The following HDAC9 variants were observed in gnomAD, a reference collection of about 807,000 sequenced individuals.
The protein encoded by HDAC9 is histone deacetylase 9.
In HDAC9, 41 loss-of-function variants were observed where a neutral mutation model predicts 139.4. That is an observed-to-expected ratio of 0.29 (90% CI 0.23 to 0.38). The LOEUF (loss-of-function observed/expected upper bound fraction) is 0.38. Ranked by LOEUF, HDAC9 falls within the 10% of genes least tolerant of loss-of-function variation. HDAC9 has a pLI of 1.00. For synonymous variants in HDAC9, 517 were observed against 476.2 expected, an observed-to-expected ratio of 1.09 and a Z score of -1.12; for missense variants, 1,147 against 1,297.0, an observed-to-expected ratio of 0.88 and a Z score of 1.78.
intron 12 of HDAC9, among the ~76,000 whole-genome samples, chr7:18,679,521 TTTC>T (rs1444438284): frequency 6.6e-6 from 1 of 151,356 alleles, no homozygotes; most frequent in East Asian, 1.9e-4. Flanking sequence ...CTTTCCTTTC[TTTC>T]TTTCTTCCTT....
intron 1 of HDAC9, among the ~76,000 whole-genome samples, chr7:18,406,045 T>C (rs903617805): frequency 6.6e-6 from 1 of 152,226 alleles, no homozygotes; most frequent in Non-Finnish European, 1.5e-5. Context: ...TGTAAATATA[T>C]GTTTTAAATA....
intron 4 of HDAC9, among the ~76,000 whole-genome samples, chr7:18,590,856 TAA>T (rs1480756330): frequency 6.6e-6 from 1 of 152,082 alleles, no homozygotes; most frequent in African/African-American, 2.4e-5. Context: ...AATTGCTCTC[TAA>T]GTAAAGCCTT....
intron 2 of HDAC9, among the ~76,000 whole-genome samples, chr7:18,576,199 A>T (rs917125725): frequency 6.6e-6 from 1 of 152,116 alleles, no homozygotes; most frequent in Non-Finnish European, 1.5e-5. Flanking sequence ...TGAGTGGAGG[A>T]CAGGTATTAT....
rs543880068 is a variant in HDAC9, at chr7:18,800,865, A to G, written c.2322+7413A>G. ...TAATAATAATAATAATAATTTCTCC[A>G]AAGACAAAAAATATATATATGTAGG... On this transcript the variant is annotated intron_variant, in intron 17 of 25. Transcript: ENST00000686413. 1.9e-3 allele frequency among the ~76,000 whole-genome samples: 289 copies of G among 152,092 alleles called. 1 individual carries two copies. Among genetic ancestry groups the G allele is most frequent in the African/African-American group, 6.6e-3 (274 of 41,478 alleles).
intron 22 of HDAC9, among the ~76,000 whole-genome samples, chr7:18,894,931 G>A (rs963707171): frequency 6.6e-6 from 1 of 152,036 alleles, no homozygotes; most frequent in South Asian, 2.1e-4. Context: ...GGCAGGTGAT[G>A]GGTGTAATGG....
intron 1 of HDAC9, among the ~76,000 whole-genome samples, chr7:18,408,946 G>T (rs1788271382): frequency 6.6e-6 from 1 of 152,090 alleles, no homozygotes; most frequent in South Asian, 2.1e-4. Context: ...AACCCTTCAG[G>T]TAGCAGCTTT....
chr7:18,617,273 T>C (rs764167312), intron 6 of HDAC9, among the ~76,000 whole-genome samples: 28 of 152,162 alleles, frequency 1.8e-4, no homozygotes, highest in Non-Finnish European at 3.1e-4. Context: ...CTGCCTCTTC[T>C]GTTATGTACA....
chr7:18,578,098 T>C, intron 2 of HDAC9: 2 of 518,360 alleles, frequency 3.9e-6, no homozygotes, highest in Non-Finnish European at 7.7e-6. Flanking sequence ...CCCAGAGTGC[T>C]CTGCTCCAGA....
intron 1 of HDAC9, among the ~76,000 whole-genome samples, chr7:18,352,663 A>T (rs535382827): frequency 2.0e-5 from 3 of 152,082 alleles, no homozygotes; most frequent in Admixed American, 1.3e-4. Context: ...CTTTTTCGTT[A>T]TGATGGTTAG....
At chr7:18,506,452 G>A (rs538181702) in intron 2 of HDAC9, among the ~76,000 whole-genome samples, 51 of 152,110 alleles carry the variant, frequency 3.4e-4, no homozygotes, top group African/African-American at 1.0e-3. Context: ...CGTGAATATG[G>A]CATTACACAC....
At chr7:18,289,244 TTCCCTTCAGTGTAG>T (rs1348108515), upstream of HDAC9, among the ~76,000 whole-genome samples, 1 of 152,182 alleles carries the variant, frequency 6.6e-6, no homozygotes, top group Admixed American at 6.6e-5. Context: ...TTGCTTGTAT[TTCCCTTCAGTGTAG>T]TACTTAGATT....
At chr7:18,620,851 T>C (rs1840027182) in intron 6 of HDAC9, among the ~76,000 whole-genome samples, 1 of 152,170 alleles carries the variant, frequency 6.6e-6, no homozygotes, top group African/African-American at 2.4e-5. Flanking sequence ...TTTCCCGATA[T>C]GTAAAGAGGT....
At chr7:18,826,279 C>T (rs1795427839) in intron 17 of HDAC9, among the ~76,000 whole-genome samples, 1 of 152,172 alleles carries the variant, frequency 6.6e-6, no homozygotes, top group Non-Finnish European at 1.5e-5. Flanking sequence ...AGGACACCAA[C>T]TCTGCCTTCT....
intron 1 of HDAC9, among the ~76,000 whole-genome samples, chr7:18,149,202 A>C (rs1786566715): frequency 6.6e-6 from 1 of 151,346 alleles, no homozygotes; most frequent in Non-Finnish European, 1.5e-5. Context: ...TTTTTTATTT[A>C]TTGCCTGCTT....
intron 1 of HDAC9, among the ~76,000 whole-genome samples, chr7:18,337,902 A>C (rs796081438): frequency 6.6e-6 from 1 of 151,668 alleles, no homozygotes. Context: ...TTTGGACTTC[A>C]GTTTTCTCAT....
intron 12 of HDAC9, among the ~76,000 whole-genome samples, chr7:18,686,687 TTTAACCTACCTGG>T (rs773888443): frequency 4.2e-4 from 64 of 151,904 alleles, no homozygotes; most frequent in Non-Finnish European, 7.4e-4. Context: ...CTGAAGTCTC[TTTAACCTACCTGG>T]TGGATTCTGA....
At chr7:18,738,649 C>T (rs956392905) in intron 13 of HDAC9, among the ~76,000 whole-genome samples, 2 of 152,186 alleles carry the variant, frequency 1.3e-5, no homozygotes, top group African/African-American at 4.8e-5. Context: ...TGATGGGCTT[C>T]CCTTTGTGGG....
At chr7:18,165,424 G>C (rs1787936186) in intron 2 of HDAC9, among the ~76,000 whole-genome samples, 1 of 152,134 alleles carries the variant, frequency 6.6e-6, no homozygotes, top group South Asian at 2.1e-4. Flanking sequence ...CTTATCTCAA[G>C]TAAATGTTTC....
intron 14 of HDAC9, among the ~76,000 whole-genome samples, chr7:18,761,759 A>G (rs916348575): frequency 1.1e-4 from 16 of 152,220 alleles, no homozygotes; most frequent in African/African-American, 3.6e-4. Context: ...TCCTTCAAGA[A>G]GGAATAAAGA....
Sources: gnomAD v4.1 joint callset for allele counts (sites outside exome capture counted in the v4.1 genomes callset) on GRCh38, gnomAD v4.1.1 for gene constraint, MANE v1.5 for transcripts, NCBI Gene and HGNC (gene_info 2026-07-23, HGNC 2026-07-21) for gene names.